CUL1: variants seen among roughly 807,000 people sequenced by gnomAD.
CUL1 encodes the protein cullin 1, also known as cullin-1.
Under a neutral mutation model 118.0 loss-of-function variants are expected in CUL1, and 24 were observed. The observed-to-expected ratio is 0.20, with a 90% CI of 0.15 to 0.29. The LOEUF is 0.29. Among genes scored for constraint, CUL1 ranks in the 10% least tolerant of loss-of-function variants. CUL1 has a pLI of 1.00. For synonymous variants in CUL1, 332 were observed against 340.4 expected (o/e 0.98, Z 0.27); for missense variants, 361 against 933.8 (o/e 0.39, Z 7.99).
intron 1 of CUL1, among the ~76,000 whole-genome samples, chr7:148,714,990 C>T (rs1798168079): frequency 6.6e-6 from 1 of 152,146 alleles, no homozygotes; most frequent in African/African-American, 2.4e-5. Context: ...GGCCCAAGCC[C>T]TCCTCCTGCC....
At chr7:148,797,897 C>T in intron 18 of CUL1, 38 bp downstream of exon 18, 1 of 1,609,490 alleles carries the variant, frequency 6.2e-7, no homozygotes, top group Non-Finnish European at 8.5e-7. Flanking sequence ...TAGAAGAAGC[C>T]TTTTCCTGAG....
At chr7:148,725,219 GCTCACACACACA>G (rs1441508231) in intron 1 of CUL1, among the ~76,000 whole-genome samples, 3 of 140,060 alleles carry the variant, frequency 2.1e-5, no homozygotes, top group African/African-American at 5.7e-5. Flanking sequence ...ACACGCGCGC[GCTCACACACACA>G]CACACACACA....
chr7:148,723,970 C>T (rs937360139), intron 1 of CUL1, among the ~76,000 whole-genome samples: 2 of 152,150 alleles, frequency 1.3e-5, no homozygotes, highest in Non-Finnish European at 2.9e-5. Context: ...ATCAAGACCT[C>T]TGAAGTCTTC....
chr7:148,724,659 C>T (rs1024425682), intron 1 of CUL1, among the ~76,000 whole-genome samples: 4 of 152,192 alleles, frequency 2.6e-5, no homozygotes, highest in Non-Finnish European at 4.4e-5. Context: ...GTGGCTGCCC[C>T]TGCTGTCGTC....
chr7:148,760,809 A>T (rs1584797035), intron 7 of CUL1, among the ~76,000 whole-genome samples: 1 of 152,256 alleles, frequency 6.6e-6, no homozygotes, highest in East Asian at 1.9e-4. Flanking sequence ...CAATGAGAAA[A>T]TTTTAAGAAA....
Position 148,730,271 on chromosome 7 carries a change from C to T in CUL1, c.140+9C>T. The T allele has an allele frequency of 2.5e-6, 4 of 1,597,090 alleles. 1 individual carries two copies. In the South Asian group the frequency reaches 3.4e-5, roughly 14 times the overall value. ...TATATGGAGCTCTACACGTATCCTC[C>T]TGCCTAGCGCAGGTTGATTGCTTAG... On this transcript the variant is annotated intron_variant, in intron 2 of 21. Transcript: ENST00000325222.
intron 9 of CUL1, among the ~76,000 whole-genome samples, chr7:148,780,687 A>C (rs1192362879): frequency 1.3e-5 from 2 of 152,216 alleles, no homozygotes; most frequent in African/African-American, 4.8e-5. Context: ...AACAACTGAA[A>C]TCATATAGGA....
chr7:148,706,996 G>C (rs1249212869), intron 1 of CUL1, among the ~76,000 whole-genome samples: 2 of 152,040 alleles, frequency 1.3e-5, no homozygotes, highest in Non-Finnish European at 2.9e-5. Flanking sequence ...TTTTGCTGCT[G>C]TTACAGGGAG....
At chr7:148,715,283 T>C (rs1045625741) in intron 1 of CUL1, among the ~76,000 whole-genome samples, 1 of 152,208 alleles carries the variant, frequency 6.6e-6, no homozygotes, top group Non-Finnish European at 1.5e-5. Flanking sequence ...GAGTCCACCA[T>C]TGTCTTCTCA....
At chr7:148,712,005 T>A (rs976725241) in intron 1 of CUL1, among the ~76,000 whole-genome samples, 1 of 152,186 alleles carries the variant, frequency 6.6e-6, no homozygotes, top group African/African-American at 2.4e-5. Flanking sequence ...CTTCCACGCT[T>A]AGTGGCCTGA....
intron 9 of CUL1, among the ~76,000 whole-genome samples, chr7:148,771,941 C>G (rs182432091): frequency 2.0e-5 from 3 of 152,254 alleles, no homozygotes; most frequent in African/African-American, 4.8e-5. Context: ...GAATTGAATG[C>G]CCACTGTGTG....
Position 148,760,406 on chromosome 7 carries a change from A to C in CUL1, c.699A>C (p.Glu233Asp). Reference sequence around the variant, plus strand: ...TAACAGTGTATAAAGAATCCTTTGAATCTCAATTTTTGGCTGACACAGAGA... The same window carrying C: ...TAACAGTGTATAAAGAATCCTTTGACTCTCAATTTTTGGCTGACACAGAGA... ...PTLTVYKESF[E>D]SQFLADTERF... Residue 233 changes from glutamate (E) to aspartate (D), a missense_variant, in exon 7 of 22, where the codon GAA (glutamate) becomes GAC (aspartate). By Grantham distance (45) the Glu-to-Asp change is conservative. This residue lies in a region of CUL1 where 169 missense variants were observed against 429.7 expected (regional missense o/e 0.39). Transcript: ENST00000325222. 6.2e-7 allele frequency: 1 copy of C among 1,613,682 alleles called. No homozygotes were observed. Among genetic ancestry groups the C allele is most frequent in the South Asian group, 1.1e-5 (1 of 91,050 alleles).
intron 13 of CUL1, among the ~76,000 whole-genome samples, chr7:148,788,005 A>C (rs1800875962): frequency 6.6e-6 from 1 of 152,230 alleles, no homozygotes; most frequent in Non-Finnish European, 1.5e-5. Flanking sequence ...GTCCGAGATC[A>C]GGGTGCCAGC....
intron 2 of CUL1, among the ~76,000 whole-genome samples, chr7:148,743,137 A>G (rs902837330): frequency 3.9e-5 from 6 of 152,344 alleles, no homozygotes; most frequent in Middle Eastern, 6.8e-3. Flanking sequence ...AACACACTGT[A>G]TAATTTCCGT....
chr7:148,774,874 T>C (rs1004848748), intron 9 of CUL1, among the ~76,000 whole-genome samples: 7 of 152,326 alleles, frequency 4.6e-5, no homozygotes, highest in African/African-American at 1.7e-4. Context: ...GGAGAGGTTT[T>C]CAGAAGCTGC....
intron 2 of CUL1, among the ~76,000 whole-genome samples, chr7:148,736,521 T>G (rs552065978): frequency 6.6e-6 from 1 of 152,252 alleles, no homozygotes; most frequent in South Asian, 2.1e-4. Context: ...CAGGCTGGTC[T>G]TGAACTCCTG....
chr7:148,784,208 A>G lies in CUL1; in HGVS notation c.1298+131A>G, dbSNP rs912036947. On this transcript the variant is annotated intron_variant, in intron 11 of 21. Transcript: ENST00000325222. Reference sequence around the variant, plus strand: ...TTGTACCTTATGAGAAAAATGCTTAAACATAATCGTCCTTGCCGTTGAAAA... The same window carrying G: ...TTGTACCTTATGAGAAAAATGCTTAGACATAATCGTCCTTGCCGTTGAAAA... 2.5e-5 allele frequency: 18 copies of G among 724,182 alleles called. No homozygotes were observed. The East Asian group carries it at 4.6e-4, about 18-fold the overall frequency. The allele number at this position is 724,182 out of a possible 1,614,324, so 44.9% of individuals were successfully genotyped here.
Position 148,778,900 on chromosome 7 carries a change from C to T in CUL1, c.1084-4883C>T, listed in dbSNP as rs574044572. 2.0e-5 allele frequency among the ~76,000 whole-genome samples: 3 copies of T among 152,310 alleles called. No homozygotes were observed. The South Asian group carries it at 6.2e-4, about 32-fold the overall frequency. ...ATGAAATGGTGAAGGATGCTCCCCT[C>T]GAGCCTGTAGCACCCCATTATTCCT... On this transcript the variant is annotated intron_variant, in intron 9 of 21. Transcript: ENST00000325222.
intron 2 of CUL1, among the ~76,000 whole-genome samples, chr7:148,743,404 A>T (rs1435598427): frequency 6.6e-6 from 1 of 152,186 alleles, no homozygotes; most frequent in Non-Finnish European, 1.5e-5. Flanking sequence ...GGAGGCTACA[A>T]ATCAGGGCTT....
Sources: allele counts gnomAD v4.1 joint callset (sites outside exome capture counted in the v4.1 genomes callset), GRCh38; gene constraint gnomAD v4.1.1; regional missense constraint gnomAD v4.1.1; transcripts MANE v1.5; gene names NCBI Gene and HGNC (gene_info 2026-07-23, HGNC 2026-07-21).